The following NEURL3 variants were observed in gnomAD, a reference collection of about 807,000 sequenced individuals.
NEURL3 encodes the protein E3 ubiquitin-protein ligase NEURL3.
Under a neutral mutation model 17.6 loss-of-function variants are expected in NEURL3, and 19 were observed. The observed-to-expected ratio is 1.08, with a 90% CI of 0.75 to 1.58. NEURL3 has a LOEUF of 1.58. NEURL3 is among the 40% of genes most tolerant of loss of function. The probability of loss-of-function intolerance (pLI) is 0.00; values close to 1 mark genes in which losing one functional copy is unlikely to be tolerated. For missense variants in NEURL3, 342 were observed against 379.6 expected, an observed-to-expected ratio of 0.90 and a Z score of 0.82; for synonymous variants, 180 against 161.4, an observed-to-expected ratio of 1.11 and a Z score of -0.87.
Position 96,498,123 on chromosome 2 carries a change from C to G in NEURL3, c.*121G>C. 9.5e-7 allele frequency: 1 copy of G among 1,056,582 alleles called. No individual in the cohort carries two copies. Among genetic ancestry groups the G allele is most frequent in the Admixed American group, 2.9e-5 (1 of 34,850 alleles). The allele number at this position is 1,056,582 out of a possible 1,614,324, so 65.5% of individuals were successfully genotyped here. A position where few individuals can be genotyped will look rare whatever the true frequency, so the allele number is the denominator to read the frequency against. On this transcript the variant is annotated 3_prime_UTR_variant, in exon 4 of 4. Transcript: ENST00000451794. This position sits in a 1 kb window ranked among gnomAD's most constrained non-coding sequence, Gnocchi z 4.4. ...CTGCCTTCCTCTCTCTGCCGCACCT[C>G]TTGCTAATCAGCCTTTCTGACTCTT...
chr2:96,505,537 C>G (rs2065553977), upstream of NEURL3, among the ~76,000 whole-genome samples: 1 of 152,222 alleles, frequency 6.6e-6, no homozygotes, highest in Non-Finnish European at 1.5e-5. Flanking sequence ...GAATGGGGGT[C>G]TGGCCTGGGT....
rs2065493850 is a variant in NEURL3, at chr2:96,500,575, C to T, written c.378G>A (p.Trp126Ter). The stretch of plus-strand genomic sequence containing the variant: ...CGAAGAGGCAGCCGCGGCGGTCCAC[C>T]CAGAAGCGGACCAAGTCCCCAGTGA... The part of the protein sequence containing the change: ...CALTGDLVRF[W>*]VDRRGCLFAK... The change falls in exon 2 of 4, where the codon TGG becomes TGA. Residue 126 changes from tryptophan to a stop codon, truncating the protein, a stop_gained. Coordinates refer to ENST00000451794, the MANE Select transcript of NEURL3 (RefSeq NM_001285485.2). LOFTEE classifies it high-confidence loss of function. The T allele has an allele frequency of 1.3e-6, 2 of 1,541,776 alleles. No homozygotes were observed. Among genetic ancestry groups the T allele is most frequent in the African/African-American group, 1.4e-5 (1 of 73,270 alleles).
At position 96,498,331 on chromosome 2, in the gene NEURL3, C is replaced by A; in HGVS notation, c.702G>T (p.Thr234=). 1 of 1,598,336 alleles carries A rather than the reference C, an allele frequency of 6.3e-7. No individual in the cohort carries two copies. Among genetic ancestry groups the A allele is most frequent in the Non-Finnish European group, 8.5e-7 (1 of 1,179,428 alleles). Residue 234 remains threonine (T), a synonymous_variant, in exon 4 of 4, where the codon ACG becomes ACT. Transcript: ENST00000451794. The surrounding 1 kb of genome is among the most constrained non-coding windows in gnomAD (Gnocchi z 4.4). ...RYCAWRVFSD[T]AKCPVCRWQI... is the part of the protein sequence containing the mutation. Reference sequence around the variant, plus strand: ...GCCAGCGGCACACAGGGCACTTGGCCGTATCGCTGAAGACCCGCCAGGCAC... The same window carrying A: ...GCCAGCGGCACACAGGGCACTTGGCAGTATCGCTGAAGACCCGCCAGGCAC...
At position 96,497,984 on chromosome 2, in the gene NEURL3, C is replaced by T; in HGVS notation, c.*260G>A. On this transcript the variant is annotated 3_prime_UTR_variant, in exon 4 of 4. Transcript: ENST00000451794. ...GTAAAACTGATTGGGGATTGGGCCA[C>T]CCCATCTCTAAACAAAGCACCCCAT... 2 of 482,262 alleles carry T rather than the reference C, an allele frequency of 4.1e-6. No homozygotes were observed. The highest frequency in any genetic ancestry group is 3.7e-6 in the Non-Finnish European group (1 of 270,918). 29.9% of individuals were successfully genotyped at this position (482,262 alleles called of 1,614,324 possible).
chr2:96,498,043 G>C lies in NEURL3; in HGVS notation c.*201C>G. On this transcript the variant is annotated 3_prime_UTR_variant, in exon 4 of 4. Transcript: ENST00000451794. The surrounding 1 kb of genome is among the most constrained non-coding windows in gnomAD (Gnocchi z 4.4). ...TAGTTCTGGCATGGACAGAAAGAGGGGTTTTTCCTTGCTATCCTGTTGGGG... is the reference window on the plus strand; with the variant it reads ...TAGTTCTGGCATGGACAGAAAGAGGCGTTTTTCCTTGCTATCCTGTTGGGG... The C allele has an allele frequency of 1.7e-6, 1 of 592,058 alleles. No homozygotes were observed. The highest frequency in any genetic ancestry group is 3.0e-6 in the Non-Finnish European group (1 of 337,564). 36.7% of individuals were successfully genotyped at this position (592,058 alleles called of 1,614,324 possible). A position where few individuals can be genotyped will look rare whatever the true frequency, so the allele number is the denominator to read the frequency against.
upstream of NEURL3, among the ~76,000 whole-genome samples, chr2:96,507,463 T>G (rs2104620808): frequency 6.6e-6 from 1 of 152,124 alleles, no homozygotes; most frequent in South Asian, 2.1e-4. Context: ...ACCGTTTTTG[T>G]TGTTGTTGTT....
intron 3 of NEURL3, chr2:96,499,166 C>CATAAA (rs2065472499): frequency 7.3e-7 from 1 of 1,375,126 alleles, no homozygotes; most frequent in Admixed American, 3.1e-5. Flanking sequence ...ACTGTCTGTT[C>CATAAA]ATAAAAGTGC....
In NEURL3 at chr2:96,505,268, A is replaced by G; in HGVS notation, c.19T>C (p.Phe7Leu). 1 of 1,599,208 alleles carries G rather than the reference A, an allele frequency of 6.3e-7. No individual in the cohort carries two copies. The highest frequency in any genetic ancestry group is 8.5e-7 in the Non-Finnish European group (1 of 1,179,798). The change falls in exon 1 of 4, where the codon TTC (phenylalanine) becomes CTC (leucine). Residue 7 changes from phenylalanine (F) to leucine (L), a missense_variant. Phe to Leu is a conservative substitution (Grantham distance 22). Coordinates refer to ENST00000451794, the MANE Select transcript of NEURL3 (RefSeq NM_001285485.2). MGAQLC[F>L]EANAKAPREA... is the part of the protein sequence containing the mutation. ...CAGGAGGTCTACTTACTGGCCTCGA[A>G]GCAGAGCTGGGCACCCATCAGTCTA... is the stretch of plus-strand genomic sequence containing the variant.
At chr2:96,503,230 G>T (rs574767533) in intron 1 of NEURL3, among the ~76,000 whole-genome samples, 2 of 152,160 alleles carry the variant, frequency 1.3e-5, no homozygotes, top group Non-Finnish European at 2.9e-5. Context: ...GGGTGCATGA[G>T]GCCCTGGGAG....
In NEURL3 at chr2:96,505,306, A is replaced by G; in HGVS notation, c.-20T>C. The G allele has an allele frequency of 6.3e-7, 1 of 1,599,112 alleles. No individual in the cohort carries two copies. The highest frequency in any genetic ancestry group is 8.5e-7 in the Non-Finnish European group (1 of 1,179,782). ...ACCCATCAGTCTAAGGTCCTCGGGC[A>G]CAGGTCCCCAGGTCTAGAAGGAACT... is the stretch of plus-strand genomic sequence containing the variant. On this transcript the variant is annotated 5_prime_UTR_variant, in exon 1 of 4. Transcript: ENST00000451794.
intron 1 of NEURL3, among the ~76,000 whole-genome samples, chr2:96,502,003 C>T (rs1445004631): frequency 6.6e-6 from 1 of 152,166 alleles, no homozygotes; most frequent in Non-Finnish European, 1.5e-5. Flanking sequence ...AGCCCAGGGC[C>T]AGGAGGCTCC....
At chr2:96,500,323 G>A in intron 2 of NEURL3, 116 bp downstream of exon 2, 2 of 1,450,020 alleles carry the variant, frequency 1.4e-6, no homozygotes, top group Non-Finnish European at 1.9e-6. Context: ...ACACTGGGCA[G>A]GGGCTGATGG....
In NEURL3 at chr2:96,498,855, G is replaced by A. The variant is rs1443231512; in HGVS notation, c.587-409C>T. On this transcript the variant is annotated intron_variant, in intron 3 of 3. Transcript: ENST00000451794. This position sits in a 1 kb window ranked among gnomAD's most constrained non-coding sequence, Gnocchi z 4.4. ...TGCAGTGGTGTGATCACAGCTCACT[G>A]CAGCCTCAGCCAGCTGGGCTCAAGC... Among the ~76,000 whole-genome samples the A allele has an allele frequency of 1.3e-5, 2 of 152,080 alleles. No homozygotes were observed. The highest frequency in any genetic ancestry group is 2.9e-5 in the Non-Finnish European group (2 of 68,020).
intron 1 of NEURL3, among the ~76,000 whole-genome samples, chr2:96,503,279 C>G (rs947641600): frequency 1.3e-5 from 2 of 152,144 alleles, no homozygotes; most frequent in African/African-American, 2.4e-5. Flanking sequence ...GATAATTTGA[C>G]AGTTTGCAAA....
Position 96,502,420 on chromosome 2 carries a change from C to G in NEURL3, c.29-1496G>C, listed in dbSNP as rs147785749. Among the ~76,000 whole-genome samples, 17 of 152,318 alleles carry G rather than the reference C, an allele frequency of 1.1e-4. No individual in the cohort carries two copies. In the East Asian group the frequency reaches 1.5e-3, roughly 14 times the overall value. ...TACCAGCTGGGCCATGGCTAACACC[C>G]CCATTCCAGGCCTGCCCTGCTGCTG... On this transcript the variant is annotated intron_variant, in intron 1 of 3. Transcript: ENST00000451794.
rs1270422739 is a variant in NEURL3 at position 96,498,292 on chromosome 2, T to C, written c.741A>G (p.Val247=). The C allele has an allele frequency of 2.1e-5, 33 of 1,590,454 alleles. No homozygotes were observed. The highest frequency in any genetic ancestry group is 2.8e-5 in the Non-Finnish European group (33 of 1,176,006). ...CPVCRWQIEA[V]APAQGPPALR... Reference sequence around the variant, plus strand: ...GAGCAGGAGGGCCCTGCGCAGGGGCTACCGCCTCTATCTGCCAGCGGCACA... The same window carrying C: ...GAGCAGGAGGGCCCTGCGCAGGGGCCACCGCCTCTATCTGCCAGCGGCACA... The change falls in exon 4 of 4, where the codon GTA becomes GTG. Residue 247 remains valine, a synonymous_variant. Coordinates refer to ENST00000451794, the MANE Select transcript of NEURL3 (RefSeq NM_001285485.2). This position sits in a 1 kb window ranked among gnomAD's most constrained non-coding sequence, Gnocchi z 4.4.
chr2:96,504,896 A>AAAAAAAAAAAAAAAAAC (rs2065547640), intron 1 of NEURL3, among the ~76,000 whole-genome samples: 1 of 149,682 alleles, frequency 6.7e-6, no homozygotes, highest in Non-Finnish European at 1.5e-5. Context: ...AAAAAAAAAA[A>AAAAAAAAAAAAAAAAAC]AAAAGACCAG....
intron 1 of NEURL3, among the ~76,000 whole-genome samples, chr2:96,503,930 C>T (rs1036892289): frequency 1.2e-4 from 18 of 152,226 alleles, no homozygotes; most frequent in Non-Finnish European, 2.1e-4. Context: ...TAGAGGCAGC[C>T]GCTCTTTCTA....
chr2:96,506,257 GTGCAGTGGTGTGATCA>G (rs1210886850), upstream of NEURL3, among the ~76,000 whole-genome samples: 1 of 152,174 alleles, frequency 6.6e-6, no homozygotes, highest in African/African-American at 2.4e-5. Flanking sequence ...TCAGGCTAGA[GTGCAGTGGTGTGATCA>G]TGGCTCACTA....
Sources: gnomAD v4.1 joint callset for allele counts (sites outside exome capture counted in the v4.1 genomes callset) on GRCh38, gnomAD v4.1.1 for gene constraint, Gnocchi (gnomAD v3.1) non-coding constraint, MANE v1.5 for transcripts, NCBI Gene and HGNC (gene_info 2026-07-23, HGNC 2026-07-21) for gene names.